Variants in SLC35F4 observed in about 807,000 individuals in gnomAD.
SLC35F4 encodes chromosome 14 open reading frame 36.
Under a neutral mutation model 44.2 loss-of-function variants are expected in SLC35F4, and 24 were observed. The ratio of observed to expected loss-of-function variants is 0.54; its 90% CI spans 0.39 to 0.76. The LOEUF is 0.76. Ranked by LOEUF, SLC35F4 falls within the 30% of genes least tolerant of loss-of-function variation. The pLI, the probability that SLC35F4 is intolerant of heterozygous loss-of-function variation, is 0.00. For synonymous variants in SLC35F4, 238 were observed against 223.6 expected (o/e 1.06, Z -0.57); for missense variants, 562 against 586.1 (o/e 0.96, Z 0.42).
intron 1 of SLC35F4, among the ~76,000 whole-genome samples, chr14:57,602,707 G>A (rs2070901525): frequency 6.6e-6 from 1 of 152,170 alleles, no homozygotes. Context: ...CCAAATGCCA[G>A]AGGAGCTCCA....
At chr14:57,722,794 T>C (rs2076116626) in intron 1 of SLC35F4, among the ~76,000 whole-genome samples, 1 of 152,158 alleles carries the variant, frequency 6.6e-6, no homozygotes, top group South Asian at 2.1e-4. Context: ...AGAAAACTTC[T>C]AGGTTGAATG....
chr14:57,911,092 A>G (rs1445295738), intron 1 of SLC35F4, among the ~76,000 whole-genome samples: 1 of 151,966 alleles, frequency 6.6e-6, no homozygotes, highest in Non-Finnish European at 1.5e-5. Context: ...GTATATAGAA[A>G]AGTGATTAAA....
At chr14:57,955,891 A>G (rs1890228549) in intron 1 of SLC35F4, among the ~76,000 whole-genome samples, 1 of 152,202 alleles carries the variant, frequency 6.6e-6, no homozygotes, top group Non-Finnish European at 1.5e-5. Context: ...ATTCAATGCT[A>G]TACTCATCAA....
intron 1 of SLC35F4, chr14:57,595,991 G>A (rs943288756): frequency 6.6e-6 from 1 of 152,250 alleles, no homozygotes; most frequent in Non-Finnish European, 1.5e-5. Flanking sequence ...ATATTTGAAA[G>A]CACAAGAGGG....
intron 1 of SLC35F4, among the ~76,000 whole-genome samples, chr14:57,810,364 T>C (rs1175741843): frequency 6.6e-6 from 1 of 152,254 alleles, no homozygotes; most frequent in Non-Finnish European, 1.5e-5. Flanking sequence ...TTTCTGGTTC[T>C]GGGGAGCATT....
intron 1 of SLC35F4, among the ~76,000 whole-genome samples, chr14:57,755,777 T>C (rs9323317): frequency 0.5 from 76,524 of 152,002 alleles, 19,409 homozygotes; most frequent in South Asian, 0.58. Flanking sequence ...GACCTCACAA[T>C]GATCCCGCAA....
intron 6 of SLC35F4, among the ~76,000 whole-genome samples, chr14:57,568,290 A>G (rs1228682456): frequency 6.6e-6 from 1 of 152,212 alleles, no homozygotes; most frequent in African/African-American, 2.4e-5. Flanking sequence ...CTTGCTTAGG[A>G]GCGCGTATTG....
rs566276316 is a variant in SLC35F4 at position 57,852,042 on chromosome 14, C to T, written c.103+13681G>A. Among the ~76,000 whole-genome samples the T allele has an allele frequency of 3.7e-4, 57 of 152,300 alleles. 1 individual carries two copies. Among genetic ancestry groups the T allele is most frequent in the African/African-American group, 1.0e-3 (42 of 41,556 alleles). ...AGCATTGTTCTTTGTGCTGGTCATACGGTGCTGAACGAAATAGATCCATCC... is the reference window on the plus strand; with the variant it reads ...AGCATTGTTCTTTGTGCTGGTCATATGGTGCTGAACGAAATAGATCCATCC... On this transcript the variant is annotated intron_variant, in intron 1 of 7. Coordinates refer to ENST00000556826, the MANE Select transcript of SLC35F4 (RefSeq NM_001306087.2).
intron 1 of SLC35F4, among the ~76,000 whole-genome samples, chr14:57,632,968 A>T (rs961463334): frequency 6.6e-6 from 1 of 152,014 alleles, no homozygotes; most frequent in African/African-American, 2.4e-5. Flanking sequence ...CCAGAATGTC[A>T]TATCATTGGA....
intron 1 of SLC35F4, among the ~76,000 whole-genome samples, chr14:57,701,560 C>A (rs2075542443): frequency 6.6e-6 from 1 of 152,068 alleles, no homozygotes; most frequent in African/African-American, 2.4e-5. Flanking sequence ...CCAGCATCAC[C>A]ACAAACACAT....
intron 1 of SLC35F4, among the ~76,000 whole-genome samples, chr14:57,950,845 T>G (rs1019556196): frequency 4.6e-5 from 7 of 152,188 alleles, no homozygotes; most frequent in Admixed American, 4.6e-4. Context: ...ATTTGTAGTT[T>G]TAGTAGAGAT....
chr14:57,565,511 T>C (rs1215010642), intron 7 of SLC35F4, among the ~76,000 whole-genome samples: 1 of 152,230 alleles, frequency 6.6e-6, no homozygotes, highest in African/African-American at 2.4e-5. Flanking sequence ...GCAGGGACTG[T>C]GCCTTATTCA....
chr14:57,845,537 A>G (rs1021283171), intron 1 of SLC35F4, among the ~76,000 whole-genome samples: 4 of 152,346 alleles, frequency 2.6e-5, no homozygotes, highest in African/African-American at 7.2e-5. Context: ...TCAGGCTTAC[A>G]TTGGTTACAA....
intron 1 of SLC35F4, among the ~76,000 whole-genome samples, chr14:57,879,103 T>G (rs1215401482): frequency 6.6e-6 from 1 of 152,134 alleles, no homozygotes; most frequent in African/African-American, 2.4e-5. Flanking sequence ...GCCCCAATAT[T>G]TTATGCCCTT....
intron 1 of SLC35F4, among the ~76,000 whole-genome samples, chr14:57,969,984 A>G (rs1457217162): frequency 6.6e-6 from 1 of 152,230 alleles, no homozygotes; most frequent in African/African-American, 2.4e-5. Context: ...TCAAAATTAA[A>G]TCAATTTTAA....
At chr14:57,578,622 C>A (rs1288236662) in intron 4 of SLC35F4, 1 of 152,094 alleles carries the variant, frequency 6.6e-6, no homozygotes, top group African/African-American at 2.4e-5. Context: ...CGTTACCATT[C>A]TTCCGGAACA....
intron 1 of SLC35F4, among the ~76,000 whole-genome samples, chr14:57,818,970 G>A (rs565409182): frequency 1.2e-4 from 19 of 152,178 alleles, no homozygotes; most frequent in Admixed American, 3.9e-4. Context: ...CTTTAAATTC[G>A]GTTTCAAGAC....
At chr14:57,931,878 C>T (rs1303364193) in intron 1 of SLC35F4, among the ~76,000 whole-genome samples, 1 of 152,202 alleles carries the variant, frequency 6.6e-6, no homozygotes, top group Non-Finnish European at 1.5e-5. Flanking sequence ...ATTAATATTC[C>T]CAGTCCCCCC....
chr14:57,830,289 C>A (rs976971220), intron 1 of SLC35F4, among the ~76,000 whole-genome samples: 2 of 151,994 alleles, frequency 1.3e-5, no homozygotes, highest in Non-Finnish European at 2.9e-5. Context: ...ATCTGTAAAA[C>A]GGAGAAAATG....
Sources: allele counts gnomAD v4.1 joint callset (sites outside exome capture counted in the v4.1 genomes callset), GRCh38; gene constraint gnomAD v4.1.1; transcripts MANE v1.5; gene names NCBI Gene and HGNC (gene_info 2026-07-23, HGNC 2026-07-21).